Variants in COL25A1 observed in about 807,000 individuals in gnomAD.
COL25A1 encodes the protein collagen type XXV alpha 1 chain, also known as collagen alpha-1(XXV) chain.
In COL25A1, 103 loss-of-function variants were observed where a neutral mutation model predicts 128.4. The observed-to-expected ratio is 0.80, with a 90% CI of 0.68 to 0.94. The LOEUF (loss-of-function observed/expected upper bound fraction) is 0.94. COL25A1 is among the 40% of genes least tolerant of loss of function. COL25A1 has a pLI of 0.00. For missense variants in COL25A1, 745 were observed against 840.0 expected (o/e 0.89, Z 1.40); for synonymous variants, 279 against 277.2 (o/e 1.01, Z -0.06).
intron 3 of COL25A1, among the ~76,000 whole-genome samples, chr4:109,108,277 G>A (rs565827681): frequency 2.1e-3 from 326 of 152,124 alleles, no homozygotes; most frequent in African/African-American, 7.2e-3. Flanking sequence ...GAGAATATGC[G>A]GTGTTTGGTT....
At chr4:109,264,299 C>T (rs1781648275) in intron 3 of COL25A1, among the ~76,000 whole-genome samples, 1 of 152,128 alleles carries the variant, frequency 6.6e-6, no homozygotes, top group South Asian at 2.1e-4. Context: ...AGCCTGTTAG[C>T]CATGCTGGCA....
intron 3 of COL25A1, among the ~76,000 whole-genome samples, chr4:109,258,739 A>T (rs1781242732): frequency 6.6e-6 from 1 of 152,208 alleles, no homozygotes; most frequent in African/African-American, 2.4e-5. Context: ...TTTAACCACT[A>T]TGCTATAATC....
At chr4:108,912,359 C>T (rs1031442950) in intron 13 of COL25A1, among the ~76,000 whole-genome samples, 5 of 152,012 alleles carry the variant, frequency 3.3e-5, no homozygotes, top group African/African-American at 1.2e-4. Context: ...TGTTAAAAAA[C>T]TGAAAAATTA....
chr4:109,037,119 A>G (rs925732655), intron 5 of COL25A1, among the ~76,000 whole-genome samples: 14 of 152,224 alleles, frequency 9.2e-5, no homozygotes, highest in African/African-American at 3.4e-4. Flanking sequence ...ACATCATAAC[A>G]TAGATGTAGC....
rs1046973847 is a variant in COL25A1 at position 109,274,103 on chromosome 4, A to G, written c.367+26480T>C. On this transcript the variant is annotated intron_variant, in intron 3 of 37. Coordinates refer to ENST00000399132, the MANE Select transcript of COL25A1 (RefSeq NM_198721.4). ...GTTGGTATCACTCACTTGAAAATCA[A>G]TCTTGGATGGTGTCATATTCCTTTG... 3.9e-5 allele frequency among the ~76,000 whole-genome samples: 6 copies of G among 152,246 alleles called. No individual in the cohort carries two copies. In the South Asian group the frequency reaches 6.2e-4, roughly 16 times the overall value.
At chr4:109,234,822 A>C (rs1779364284) in intron 3 of COL25A1, among the ~76,000 whole-genome samples, 1 of 152,086 alleles carries the variant, frequency 6.6e-6, no homozygotes, top group African/African-American at 2.4e-5. Context: ...AACTTAGCCT[A>C]TTCCCATCCC....
intron 12 of COL25A1, among the ~76,000 whole-genome samples, chr4:108,919,315 G>A (rs1428710269): frequency 2.0e-5 from 3 of 152,118 alleles, no homozygotes; most frequent in Admixed American, 2.0e-4. Context: ...AGGACTTCCC[G>A]AAGCCTGAAG....
intron 3 of COL25A1, among the ~76,000 whole-genome samples, chr4:109,174,123 T>C (rs143342327): frequency 5.3e-4 from 81 of 152,314 alleles, no homozygotes; most frequent in Non-Finnish European, 1.1e-3. Flanking sequence ...ATTCTGTCCA[T>C]AGACTACAAG....
chr4:108,853,270 G>A (rs925178581), intron 24 of COL25A1, among the ~76,000 whole-genome samples: 5 of 152,010 alleles, frequency 3.3e-5, no homozygotes, highest in Non-Finnish European at 7.4e-5. Flanking sequence ...ATTGATAAAA[G>A]CACTATTCTA....
At chr4:109,241,820 C>T (rs1335407493) in intron 3 of COL25A1, among the ~76,000 whole-genome samples, 2 of 152,008 alleles carry the variant, frequency 1.3e-5, no homozygotes, top group African/African-American at 4.8e-5. Flanking sequence ...AACCTAGTAA[C>T]CCCAATCTCA....
chr4:108,927,977 T>A (rs1262807274), intron 11 of COL25A1, among the ~76,000 whole-genome samples: 1 of 152,174 alleles, frequency 6.6e-6, no homozygotes, highest in East Asian at 1.9e-4. Flanking sequence ...TCTTGCCAGA[T>A]ATCCACACTA....
chr4:109,263,053 T>C (rs1781552996), intron 3 of COL25A1, among the ~76,000 whole-genome samples: 1 of 152,084 alleles, frequency 6.6e-6, no homozygotes, highest in African/African-American at 2.4e-5. Flanking sequence ...CACTTGAACC[T>C]GGGAAACTGA....
chr4:109,075,552 C>A (rs895528513), intron 3 of COL25A1, among the ~76,000 whole-genome samples: 12 of 151,974 alleles, frequency 7.9e-5, no homozygotes, highest in Non-Finnish European at 1.3e-4. Context: ...TATTTTTTAA[C>A]CTATTAGATC....
At chr4:109,215,868 C>G (rs1777940901) in intron 3 of COL25A1, among the ~76,000 whole-genome samples, 1 of 152,094 alleles carries the variant, frequency 6.6e-6, no homozygotes, top group South Asian at 2.1e-4. Context: ...AAAATCAAAT[C>G]TATATTAGCA....
intron 3 of COL25A1, among the ~76,000 whole-genome samples, chr4:109,263,434 G>C (rs910696929): frequency 5.9e-5 from 9 of 152,126 alleles, no homozygotes; most frequent in Non-Finnish European, 1.0e-4. Context: ...TTGGATAGTG[G>C]AGGGAAACAA....
In COL25A1 at chr4:108,846,231, A is replaced by G; in HGVS notation, c.1435-12T>C. 6.4e-7 allele frequency: 1 copy of G among 1,572,572 alleles called. No homozygotes were observed. The highest frequency in any genetic ancestry group is 8.8e-7 in the Non-Finnish European group (1 of 1,142,286). ...GAGCCTTTGAGTCCCTAAAAATGAT[A>G]GACAAGGTTGGCATGTAAGCAGCAT... On this transcript the variant is annotated splice_polypyrimidine_tract_variant and intron_variant, in intron 27 of 37. Coordinates refer to ENST00000399132, the MANE Select transcript of COL25A1 (RefSeq NM_198721.4).
intron 3 of COL25A1, among the ~76,000 whole-genome samples, chr4:109,082,116 A>G (rs1763901604): frequency 6.6e-6 from 1 of 152,198 alleles, no homozygotes; most frequent in African/African-American, 2.4e-5. Context: ...AGATTCATCC[A>G]TGTTGTAGCC....
At chr4:109,088,894 G>A (rs3113696) in intron 3 of COL25A1, among the ~76,000 whole-genome samples, 35,181 of 152,100 alleles carry the variant, frequency 0.23, 5,259 homozygotes, top group African/African-American at 0.4. Context: ...AGTTTCCTCT[G>A]GGAGAATTCC....
At chr4:108,890,571 G>A (rs1167422383) in intron 16 of COL25A1, among the ~76,000 whole-genome samples, 1 of 152,186 alleles carries the variant, frequency 6.6e-6, no homozygotes, top group Non-Finnish European at 1.5e-5. Context: ...AATGAAGTCA[G>A]CAAAGGGCCT....
Sources: allele counts gnomAD v4.1 joint callset (sites outside exome capture counted in the v4.1 genomes callset), GRCh38; gene constraint gnomAD v4.1.1; transcripts MANE v1.5; gene names NCBI Gene and HGNC (gene_info 2026-07-23, HGNC 2026-07-21).